SMTNL2: variants seen among roughly 807,000 people sequenced by gnomAD.
The protein encoded by SMTNL2 is smoothelin like 2.
A neutral mutation model predicts 44.1 loss-of-function variants in SMTNL2; 43 were observed. The ratio of observed to expected loss-of-function variants is 0.98; its 90% CI spans 0.76 to 1.26. The LOEUF (loss-of-function observed/expected upper bound fraction) is 1.26, where lower values mean the gene tolerates loss of function less well. Ranked by LOEUF, SMTNL2 falls within the 50% of genes most tolerant of loss-of-function variation. The probability of loss-of-function intolerance (pLI) is 0.00; values close to 1 mark genes in which losing one functional copy is unlikely to be tolerated. For synonymous variants in SMTNL2, 317 were observed against 287.6 expected (o/e 1.10, Z -1.03); for missense variants, 646 against 670.2 (o/e 0.96, Z 0.40).
chr17:4,599,948 G>T (rs1377208863), intron 7 of SMTNL2, among the ~76,000 whole-genome samples: 2 of 152,258 alleles, frequency 1.3e-5, no homozygotes. Flanking sequence ...TGTGGAGGGG[G>T]CAGGGAGGAT....
Position 4,595,380 on chromosome 17 carries a change from G to A in SMTNL2, c.989+53G>A, listed in dbSNP as rs1230586803. On this transcript the variant is annotated intron_variant, in intron 5 of 7. Transcript: ENST00000389313. The surrounding 1 kb of genome is among the most constrained non-coding windows in gnomAD (Gnocchi z 5.1). Reference sequence around the variant, plus strand: ...CGGCCCCACGGTGTGCCCAGACCCAGACGGGGCTTGGGTGGGTGCAGCAGG... The same window carrying A: ...CGGCCCCACGGTGTGCCCAGACCCAAACGGGGCTTGGGTGGGTGCAGCAGG... 11 of 1,586,164 alleles carry A rather than the reference G, an allele frequency of 6.9e-6. No individual in the cohort carries two copies. The highest frequency in any genetic ancestry group is 1.7e-5 in the Admixed American group (1 of 58,488).
rs1910335900 is a variant in SMTNL2 at position 4,607,664 on chromosome 17, T to G, written c.*177T>G. On this transcript the variant is annotated 3_prime_UTR_variant, in exon 8 of 8. Transcript: ENST00000389313. The surrounding 1 kb of genome is among the most constrained non-coding windows in gnomAD (Gnocchi z 4.7). ...CAGCTGTGTTACTGATTAAAAGTAC[T>G]GCTGAGCTGTGGTCCGACAGCACTG... The G allele has an allele frequency of 9.7e-7, 1 of 1,034,648 alleles. No homozygotes were observed. The highest frequency in any genetic ancestry group is 1.6e-5 in the African/African-American group (1 of 61,946). 64.1% of individuals were successfully genotyped at this position (1,034,648 alleles called of 1,614,324 possible).
intron 1 of SMTNL2, among the ~76,000 whole-genome samples, chr17:4,585,654 G>A (rs1430049109): frequency 1.3e-5 from 2 of 152,274 alleles, no homozygotes; most frequent in African/African-American, 4.8e-5. Flanking sequence ...GGGATAGGGC[G>A]GAGGCCGACG....
Position 4,593,179 on chromosome 17 carries a change from C to A in SMTNL2, c.730+8C>A. On this transcript the variant is annotated splice_region_variant and intron_variant, in intron 3 of 7. Transcript: ENST00000389313. ...GGACTCCCAGTCCTAGCGGTATGAG[C>A]TGGAGAGCGTGGCCTTGGGGCAGAC... The A allele has an allele frequency of 6.3e-7, 1 of 1,579,956 alleles. No homozygotes were observed. The highest frequency in any genetic ancestry group is 8.6e-7 in the Non-Finnish European group (1 of 1,157,402).
At position 4,584,820 on chromosome 17, in the gene SMTNL2, C is replaced by T. The variant is rs1909274102; in HGVS notation, c.215C>T (p.Ala72Val). The change falls in exon 1 of 8, where the codon GCG (alanine) becomes GTG (valine). Residue 72 changes from alanine (A) to valine (V), a missense_variant. Ala to Val is a moderately conservative substitution (Grantham distance 64). Transcript: ENST00000389313. ...DLQRDNQRLQ[A>V]QLERLTRQVE... Reference sequence around the variant, plus strand: ...CAGCGGGACAACCAGCGGCTGCAGGCGCAGCTCGAGCGCCTGACGCGCCAG... The same window carrying T: ...CAGCGGGACAACCAGCGGCTGCAGGTGCAGCTCGAGCGCCTGACGCGCCAG... 1 of 1,327,096 alleles carries T rather than the reference C, an allele frequency of 7.5e-7. No homozygotes were observed. Among genetic ancestry groups the T allele is most frequent in the Non-Finnish European group, 9.6e-7 (1 of 1,039,890 alleles). The allele number at this position is 1,327,096 out of a possible 1,614,324, so 82.2% of individuals were successfully genotyped here.
intron 1 of SMTNL2, among the ~76,000 whole-genome samples, chr17:4,587,156 G>A (rs944788501): frequency 3.3e-5 from 5 of 152,272 alleles, no homozygotes; most frequent in African/African-American, 4.8e-5. Flanking sequence ...AAGATGCGTC[G>A]GCCTGTTGGG....
At chr17:4,603,843 C>A (rs565916925) in intron 7 of SMTNL2, among the ~76,000 whole-genome samples, 2 of 152,070 alleles carry the variant, frequency 1.3e-5, no homozygotes, top group South Asian at 2.1e-4. Context: ...ATTTTCTTTT[C>A]TTTCCTTTTT....
chr17:4,595,352 G>T lies in SMTNL2; in HGVS notation c.989+25G>T. 1 of 1,606,424 alleles carries T rather than the reference G, an allele frequency of 6.2e-7. No homozygotes were observed. Among genetic ancestry groups the T allele is most frequent in the Non-Finnish European group, 8.5e-7 (1 of 1,175,804 alleles). ...AGTACGGATGCCCACTCACAGACAG[G>T]CCCGGCCCCACGGTGTGCCCAGACC... On this transcript the variant is annotated intron_variant, in intron 5 of 7. Coordinates refer to ENST00000389313, the MANE Select transcript of SMTNL2 (RefSeq NM_001114974.2). This position sits in a 1 kb window ranked among gnomAD's most constrained non-coding sequence, Gnocchi z 5.1.
At chr17:4,589,026 G>T (rs573039678) in intron 1 of SMTNL2, among the ~76,000 whole-genome samples, 1 of 152,248 alleles carries the variant, frequency 6.6e-6, no homozygotes, top group East Asian at 1.9e-4. Flanking sequence ...GCTTCTAGTC[G>T]TGGGGCAGGG....
intron 7 of SMTNL2, among the ~76,000 whole-genome samples, chr17:4,605,167 T>TTG (rs1215836591): frequency 7.2e-6 from 1 of 138,782 alleles, no homozygotes; most frequent in Non-Finnish European, 1.6e-5. Context: ...TTTTTTTTTT[T>TTG]TTTTTTTTTT....
chr17:4,596,838 C>T, intron 5 of SMTNL2, 22 bp from the exon 6 acceptor site: 1 of 1,426,324 alleles, frequency 7.0e-7, no homozygotes, highest in South Asian at 1.5e-5. Context: ...GCCCCCGCAG[C>T]AGGCCTGCCG....
At chr17:4,584,525 G>A, upstream of SMTNL2, 1 of 1,203,382 alleles carries the variant, frequency 8.3e-7, no homozygotes, top group Non-Finnish European at 1.0e-6. Context: ...AGCCACGGAC[G>A]GCCAGTCGCG....
Position 4,606,204 on chromosome 17 carries a change from C to G in SMTNL2, c.1260-1157C>G, listed in dbSNP as rs186948591. On this transcript the variant is annotated intron_variant, in intron 7 of 7. Coordinates refer to ENST00000389313, the MANE Select transcript of SMTNL2 (RefSeq NM_001114974.2). ...TCGCACGATCTCGGCTCACTGCAAC[C>G]TCTGCCTCCTGGGTTCAAGCAATTC... 3.2e-3 allele frequency among the ~76,000 whole-genome samples: 492 copies of G among 152,232 alleles called. 2 individuals are homozygous for G. The highest frequency in any genetic ancestry group is 0.02 in the Middle Eastern group (6 of 294).
In SMTNL2 at chr17:4,584,657, G is replaced by A. The variant is rs1300593578; in HGVS notation, c.52G>A (p.Gly18Ser). The part of the protein sequence containing the change: ...QEARTVREAL[G>S]RYEAALEGAV... ...GGCGCGCACTGTGCGCGAGGCGCTG[G>A]GCCGCTACGAGGCGGCGCTGGAGGG... The change falls in exon 1 of 8, where the codon GGC becomes AGC. Residue 18 changes from glycine (G) to serine (S), a missense_variant. By Grantham distance (56) the Gly-to-Ser change is moderately conservative. Transcript: ENST00000389313. 3 of 1,274,798 alleles carry A rather than the reference G, an allele frequency of 2.4e-6. No individual in the cohort carries two copies. The highest frequency in any genetic ancestry group is 2.0e-6 in the Non-Finnish European group (2 of 1,014,054). 79.0% of individuals were successfully genotyped at this position (1,274,798 alleles called of 1,614,324 possible).
chr17:4,585,252 C>T (rs1250192013), intron 1 of SMTNL2, among the ~76,000 whole-genome samples: 1 of 152,248 alleles, frequency 6.6e-6, no homozygotes, highest in African/African-American at 2.4e-5. Context: ...TCTGTTTGCT[C>T]AGAGTCCTGT....
At position 4,584,987 on chromosome 17, in the gene SMTNL2, C is replaced by G. The variant is rs917719083; in HGVS notation, c.382C>G (p.Leu128Val). The change falls in exon 1 of 8, where the codon CTG (leucine) becomes GTG (valine). Residue 128 changes from leucine (L) to valine (V), a missense_variant. Transcript: ENST00000389313. ...CTTCGCCAGCCACGCCACCTTCTCG[C>G]TGTCCGGCCGCGGCCAGGTGAGCCC... ...ARFASHATFSLSGRGQSLDHD... is the reference protein window; with the variant it reads ...ARFASHATFSVSGRGQSLDHD... 1 of 1,374,160 alleles carries G rather than the reference C, an allele frequency of 7.3e-7. No homozygotes were observed. Among genetic ancestry groups the G allele is most frequent in the South Asian group, 1.6e-5 (1 of 61,618 alleles). 85.1% of individuals were successfully genotyped at this position (1,374,160 alleles called of 1,614,324 possible).
At position 4,584,869 on chromosome 17, in the gene SMTNL2, C is replaced by A. The variant is rs1227161563; in HGVS notation, c.264C>A (p.Ser88Arg). ...AGGTGGAGGCGCTGGGCTTGGCCAG[C>A]GGGATGTCCCCGGTGCCCGGCACTC... ...TRQVEALGLA[S>R]GMSPVPGTPG... The change falls in exon 1 of 8, where the codon AGC (serine) becomes AGA (arginine). Residue 88 changes from serine (S) to arginine (R), a missense_variant. By Grantham distance (110) the Ser-to-Arg change is moderately radical. Coordinates refer to ENST00000389313, the MANE Select transcript of SMTNL2 (RefSeq NM_001114974.2). 5 of 1,312,484 alleles carry A rather than the reference C, an allele frequency of 3.8e-6. No individual in the cohort carries two copies. Among genetic ancestry groups the A allele is most frequent in the Admixed American group, 3.9e-5 (1 of 25,792 alleles). The allele number at this position is 1,312,484 out of a possible 1,614,324, so 81.3% of individuals were successfully genotyped here. A position where few individuals can be genotyped will look rare whatever the true frequency, so the allele number is the denominator to read the frequency against.
At chr17:4,594,887 T>C (rs1180181850) in intron 4 of SMTNL2, among the ~76,000 whole-genome samples, 1 of 152,046 alleles carries the variant, frequency 6.6e-6, no homozygotes, top group Admixed American at 6.5e-5. Flanking sequence ...CCCCAGGCAT[T>C]GACACCTGCA....
rs146673890 is a variant in SMTNL2, at chr17:4,595,737, A to G, written c.989+410A>G. On this transcript the variant is annotated intron_variant, in intron 5 of 7. Transcript: ENST00000389313. The surrounding 1 kb of genome is among the most constrained non-coding windows in gnomAD (Gnocchi z 5.1). The stretch of plus-strand genomic sequence containing the variant: ...CCTGGCCAGAGCTGGGAGCCCCAGC[A>G]TGGGGTTGGTCTTGCCCAAGGACCG... Among the ~76,000 whole-genome samples the G allele has an allele frequency of 1.6e-3, 244 of 152,346 alleles. No individual in the cohort carries two copies. The highest frequency in any genetic ancestry group is 2.9e-3 in the Non-Finnish European group (199 of 68,020).
Sources: allele counts gnomAD v4.1 joint callset (sites outside exome capture counted in the v4.1 genomes callset), GRCh38; gene constraint gnomAD v4.1.1; non-coding constraint Gnocchi (gnomAD v3.1); transcripts MANE v1.5; gene names NCBI Gene and HGNC (gene_info 2026-07-23, HGNC 2026-07-21).